Variants in WWOX observed in about 807,000 individuals in gnomAD.
The protein encoded by WWOX is WW domain-containing oxidoreductase.
A neutral mutation model predicts 46.2 loss-of-function variants in WWOX; 69 were observed. The ratio of observed to expected loss-of-function variants is 1.49; its 90% CI spans 1.23 to 1.82. The LOEUF is 1.82. Among genes scored for constraint, WWOX ranks in the 40% most tolerant of loss-of-function variants. The pLI, the probability that WWOX is intolerant of heterozygous loss-of-function variation, is 0.00. For missense variants in WWOX, 919 were observed against 542.6 expected, an observed-to-expected ratio of 1.69 and a Z score of -6.89; for synonymous variants, 359 against 202.6, an observed-to-expected ratio of 1.77 and a Z score of -6.56.
intron 5 of WWOX, among the ~76,000 whole-genome samples, chr16:78,251,080 T>C (rs1272704255): frequency 2.6e-5 from 4 of 152,206 alleles, no homozygotes; most frequent in Admixed American, 6.5e-5. Flanking sequence ...GTTACCGCTA[T>C]TGGGGTGTGT....
intron 8 of WWOX, among the ~76,000 whole-genome samples, chr16:78,767,802 T>G (rs56967941): frequency 0.2 from 30,947 of 152,102 alleles, 3,304 homozygotes; most frequent in South Asian, 0.24. Flanking sequence ...CCCATTTCCC[T>G]AATGATGTTA....
At chr16:78,568,624 C>T (rs140387312) in intron 8 of WWOX, among the ~76,000 whole-genome samples, 2,731 of 151,888 alleles carry the variant, frequency 0.018, 47 homozygotes, top group African/African-American at 0.042. Flanking sequence ...TACAGGCACC[C>T]GCCGCCACAC....
chr16:78,640,768 G>C (rs138048847), intron 8 of WWOX, among the ~76,000 whole-genome samples: 1 of 151,752 alleles, frequency 6.6e-6, no homozygotes, highest in African/African-American at 2.4e-5. Flanking sequence ...GTGAAACCCC[G>C]ACTCTACTAA....
chr16:78,335,371 T>A (rs966189487), intron 5 of WWOX, among the ~76,000 whole-genome samples: 11 of 152,202 alleles, frequency 7.2e-5, no homozygotes, highest in Non-Finnish European at 2.9e-5. Flanking sequence ...AACGAGAGCA[T>A]GCAGTGTTTG....
chr16:78,432,878 C>G, intron 8 of WWOX, 126 bp downstream of exon 8: 5 of 1,415,966 alleles, frequency 3.5e-6, no homozygotes, highest in South Asian at 1.2e-5. Context: ...TCCAGCCCAT[C>G]ATAAAGGGCT....
intron 5 of WWOX, among the ~76,000 whole-genome samples, chr16:78,304,098 C>A (rs538562612): frequency 2.0e-4 from 30 of 152,290 alleles, no homozygotes; most frequent in Non-Finnish European, 3.4e-4. Context: ...TTCGGTGCTC[C>A]TTCTCCAAGA....
rs372511493 is a variant in WWOX, at chr16:78,721,228, T to C, written c.1056+288476T>C. Among the ~76,000 whole-genome samples, 67 of 139,022 alleles carry C rather than the reference T, an allele frequency of 4.8e-4. 1 individual carries two copies. Among genetic ancestry groups the C allele is most frequent in the African/African-American group, 1.8e-3 (62 of 34,600 alleles). 91.2% of individuals were successfully genotyped at this position (139,022 alleles called of 152,430 possible). On this transcript the variant is annotated intron_variant, in intron 8 of 8. Transcript: ENST00000566780. The stretch of plus-strand genomic sequence containing the variant: ...CTTTCTACAGTATCTTTAATTGATA[T>C]GCCCCATGTCTAAGAAAAAAAGTAG...
At chr16:78,265,877 C>G (rs1401149940) in intron 5 of WWOX, 1 of 152,084 alleles carries the variant, frequency 6.6e-6, no homozygotes, top group African/African-American at 2.4e-5. Context: ...CAGTACAATG[C>G]TTGGCCTAAT....
chr16:78,973,537 A>T (rs4888898), intron 8 of WWOX, among the ~76,000 whole-genome samples: 67,349 of 151,692 alleles, frequency 0.44, 15,377 homozygotes, highest in African/African-American at 0.56. Context: ...TTATTTATTT[A>T]TTTTCTTTTT....
chr16:78,302,063 C>T (rs577758403), intron 5 of WWOX, among the ~76,000 whole-genome samples: 22 of 151,824 alleles, frequency 1.4e-4, no homozygotes, highest in East Asian at 1.2e-3. Context: ...CGGGTTCAAG[C>T]GATTCTCCTG....
At chr16:78,599,110 AGCT>A (rs562017364) in intron 8 of WWOX, among the ~76,000 whole-genome samples, 78 of 152,304 alleles carry the variant, frequency 5.1e-4, no homozygotes, top group Non-Finnish European at 1.0e-3. Context: ...TGCCAGCTCA[AGCT>A]GCTCTCAGCT....
intron 8 of WWOX, among the ~76,000 whole-genome samples, chr16:78,508,911 G>A (rs1179833386): frequency 1.3e-5 from 2 of 152,210 alleles, no homozygotes; most frequent in East Asian, 1.9e-4. Flanking sequence ...ATCTTCTGCT[G>A]TTACATCTGC....
intron 8 of WWOX, among the ~76,000 whole-genome samples, chr16:78,624,507 A>G (rs535744894): frequency 2.6e-5 from 4 of 152,312 alleles, no homozygotes; most frequent in South Asian, 2.1e-4. Flanking sequence ...CCCTCACAGG[A>G]CAATATCTTT....
intron 4 of WWOX, among the ~76,000 whole-genome samples, chr16:78,125,599 C>T (rs1319934793): frequency 6.6e-6 from 1 of 152,196 alleles, no homozygotes; most frequent in Non-Finnish European, 1.5e-5. Context: ...TGGTGGTTCA[C>T]GCCTGTAAAC....
intron 5 of WWOX, chr16:78,264,408 C>T (rs1308392463): frequency 6.6e-6 from 1 of 152,134 alleles, no homozygotes; most frequent in Non-Finnish European, 1.5e-5. Context: ...AAATTATCCC[C>T]TCTTTTTAAA....
At chr16:78,765,553 C>T (rs953257853) in intron 8 of WWOX, among the ~76,000 whole-genome samples, 2 of 152,100 alleles carry the variant, frequency 1.3e-5, no homozygotes, top group Admixed American at 1.3e-4. Context: ...ATAGCGGGCG[C>T]CTGTAATCCT....
At chr16:78,684,987 T>C (rs1018248210) in intron 8 of WWOX, among the ~76,000 whole-genome samples, 1 of 152,224 alleles carries the variant, frequency 6.6e-6, no homozygotes, top group Non-Finnish European at 1.5e-5. Flanking sequence ...GGGAGTGTTC[T>C]CAATGTGATT....
chr16:78,444,552 G>A (rs1017556098), intron 8 of WWOX, among the ~76,000 whole-genome samples: 1 of 141,872 alleles, frequency 7.0e-6, no homozygotes, highest in Non-Finnish European at 1.5e-5. Flanking sequence ...TTTTTTTGAG[G>A]TGGAGTCTCA....
chr16:78,749,122 A>T (rs2049417824), intron 8 of WWOX, among the ~76,000 whole-genome samples: 1 of 152,208 alleles, frequency 6.6e-6, no homozygotes, highest in African/African-American at 2.4e-5. Context: ...CTATGGTGGC[A>T]TAGTCCTCCA....
Sources: allele counts gnomAD v4.1 joint callset (sites outside exome capture counted in the v4.1 genomes callset), GRCh38; gene constraint gnomAD v4.1.1; transcripts MANE v1.5; gene names NCBI Gene and HGNC (gene_info 2026-07-23, HGNC 2026-07-21).